SLC9A9: variants seen among roughly 807,000 people sequenced by gnomAD.
The protein encoded by SLC9A9 is solute carrier family 9 member A9, also known as sodium/hydrogen exchanger 9.
SLC9A9 carries 62 observed loss-of-function variants against 77.8 expected under a neutral mutation model. The ratio of observed to expected loss-of-function variants is 0.80; its 90% CI spans 0.65 to 0.98. The LOEUF is 0.98. Ranked by LOEUF, SLC9A9 falls within the 50% of genes least tolerant of loss-of-function variation. The pLI is 0.00. For missense variants in SLC9A9, 775 were observed against 774.9 expected, an observed-to-expected ratio of 1.00 and a Z score of 0.00; for synonymous variants, 320 against 283.5, an observed-to-expected ratio of 1.13 and a Z score of -1.29.
At chr3:143,836,567 T>C (rs1464113707) in intron 1 of SLC9A9, among the ~76,000 whole-genome samples, 1 of 152,182 alleles carries the variant, frequency 6.6e-6, no homozygotes, top group African/African-American at 2.4e-5. Context: ...AGCACATGCA[T>C]GGCATACAGT....
intron 9 of SLC9A9, among the ~76,000 whole-genome samples, chr3:143,530,561 C>T (rs999208070): frequency 1.3e-5 from 2 of 152,016 alleles, no homozygotes; most frequent in Non-Finnish European, 2.9e-5. Flanking sequence ...TGAAAACAGA[C>T]TAATACAGTT....
chr3:143,532,580 T>A (rs186705944), intron 9 of SLC9A9, among the ~76,000 whole-genome samples: 2 of 152,328 alleles, frequency 1.3e-5, no homozygotes, highest in East Asian at 3.9e-4. Context: ...CACGAATTTT[T>A]ATAAAAATCA....
intron 14 of SLC9A9, among the ~76,000 whole-genome samples, chr3:143,304,837 C>T (rs2030705994): frequency 6.6e-6 from 1 of 152,152 alleles, no homozygotes; most frequent in Non-Finnish European, 1.5e-5. Flanking sequence ...TGACACATGG[C>T]TCTGTTTACC....
At chr3:143,482,793 T>C (rs1445500162) in intron 11 of SLC9A9, among the ~76,000 whole-genome samples, 1 of 152,266 alleles carries the variant, frequency 6.6e-6, no homozygotes, top group Admixed American at 6.5e-5. Context: ...GGAAAGCTAA[T>C]TTGTGCAAAG....
At chr3:143,686,409 G>A (rs1476223206) in intron 5 of SLC9A9, among the ~76,000 whole-genome samples, 2 of 152,062 alleles carry the variant, frequency 1.3e-5, no homozygotes, top group African/African-American at 4.8e-5. Context: ...AGTAAGGCAC[G>A]GACAGGGGAT....
At chr3:143,541,101 A>C (rs144503099) in intron 9 of SLC9A9, among the ~76,000 whole-genome samples, 3 of 152,316 alleles carry the variant, frequency 2.0e-5, no homozygotes, top group South Asian at 2.1e-4. Context: ...ATGTAAATGA[A>C]TTAATCCCCT....
At chr3:143,714,422 T>C (rs1328858805) in intron 4 of SLC9A9, among the ~76,000 whole-genome samples, 1 of 152,180 alleles carries the variant, frequency 6.6e-6, no homozygotes, top group African/African-American at 2.4e-5. Flanking sequence ...TAAACTGCCA[T>C]TTTACATTTT....
chr3:143,765,385 A>G (rs1011360836), intron 4 of SLC9A9, among the ~76,000 whole-genome samples: 1 of 152,092 alleles, frequency 6.6e-6, no homozygotes, highest in Non-Finnish European at 1.5e-5. Flanking sequence ...TATGAGTGTC[A>G]CACTGTCGAT....
chr3:143,423,264 CACACACACACACA>C (rs1576487181), intron 12 of SLC9A9, among the ~76,000 whole-genome samples: 1 of 151,334 alleles, frequency 6.6e-6, no homozygotes, highest in African/African-American at 2.4e-5. Context: ...CACACACACA[CACACACACACACA>C]CACACACACA....
intron 4 of SLC9A9, among the ~76,000 whole-genome samples, chr3:143,744,074 A>G (rs1230067015): frequency 6.6e-6 from 1 of 152,232 alleles, no homozygotes; most frequent in East Asian, 1.9e-4. Context: ...GCTAGCATCA[A>G]TTAAATATTT....
chr3:143,356,531 T>C (rs114401598), intron 14 of SLC9A9, among the ~76,000 whole-genome samples: 2,353 of 152,258 alleles, frequency 0.015, 22 homozygotes, highest in South Asian at 0.06. Context: ...TCTCCCAGGA[T>C]TTTTTAAGAG....
intron 6 of SLC9A9, among the ~76,000 whole-genome samples, chr3:143,598,992 A>T (rs1473100868): frequency 6.6e-6 from 1 of 152,194 alleles, no homozygotes; most frequent in Admixed American, 6.5e-5. Context: ...AAAATTATGT[A>T]AGTAGAACCC....
intron 2 of SLC9A9, among the ~76,000 whole-genome samples, chr3:143,799,954 A>C (rs943142104): frequency 2.6e-5 from 4 of 152,064 alleles, no homozygotes; most frequent in African/African-American, 9.7e-5. Flanking sequence ...AGGCTTCTAA[A>C]CCTCTTAAAA....
At chr3:143,624,824 G>C (rs2038289389) in intron 6 of SLC9A9, among the ~76,000 whole-genome samples, 1 of 152,162 alleles carries the variant, frequency 6.6e-6, no homozygotes, top group South Asian at 2.1e-4. Context: ...AAATCAAATT[G>C]TCCCTGTTTG....
At chr3:143,358,955 G>A (rs905032558) in intron 14 of SLC9A9, among the ~76,000 whole-genome samples, 1 of 152,228 alleles carries the variant, frequency 6.6e-6, no homozygotes, top group African/African-American at 2.4e-5. Context: ...CCACAGGAAG[G>A]AGGTCAGCTC....
At chr3:143,603,378 G>C (rs1360653181) in intron 6 of SLC9A9, among the ~76,000 whole-genome samples, 1 of 152,214 alleles carries the variant, frequency 6.6e-6, no homozygotes, top group Non-Finnish European at 1.5e-5. Flanking sequence ...TTGCACTAGG[G>C]TGGTCTGTGT....
At chr3:143,449,831 A>AATATATATT (rs2034953755) in intron 12 of SLC9A9, among the ~76,000 whole-genome samples, 2 of 65,298 alleles carry the variant, frequency 3.1e-5, no homozygotes, top group Non-Finnish European at 5.0e-5. Context: ...TACATATATA[A>AATATATATT]TTATATGTAT....
chr3:143,501,933 T>C (rs2035930072), intron 9 of SLC9A9, among the ~76,000 whole-genome samples: 1 of 150,638 alleles, frequency 6.6e-6, no homozygotes, highest in Non-Finnish European at 1.5e-5. Flanking sequence ...ATTGCCTGAG[T>C]CTGGCCCGAA....
intron 11 of SLC9A9, among the ~76,000 whole-genome samples, chr3:143,493,154 T>C (rs1224694961): frequency 1.3e-5 from 2 of 152,224 alleles, no homozygotes; most frequent in Admixed American, 1.3e-4. Flanking sequence ...ATATTCGTTT[T>C]CTCAACTAAC....
Sources: gnomAD v4.1 joint callset for allele counts (sites outside exome capture counted in the v4.1 genomes callset) on GRCh38, gnomAD v4.1.1 for gene constraint, MANE v1.5 for transcripts, NCBI Gene and HGNC (gene_info 2026-07-23, HGNC 2026-07-21) for gene names.